The following PSMF1 variants were observed in gnomAD, a reference collection of about 807,000 sequenced individuals.
PSMF1 encodes the protein proteasome inhibitor subunit 1.
Under a neutral mutation model 29.3 loss-of-function variants are expected in PSMF1, and 30 were observed. The ratio of observed to expected loss-of-function variants is 1.02; its 90% CI spans 0.77 to 1.39. PSMF1 has a LOEUF of 1.39. Among genes scored for constraint, PSMF1 ranks in the 40% most tolerant of loss-of-function variants. The pLI, the probability that PSMF1 is intolerant of heterozygous loss-of-function variation, is 0.00. For synonymous variants in PSMF1, 134 were observed against 139.7 expected (o/e 0.96, Z 0.29); for missense variants, 344 against 357.5 (o/e 0.96, Z 0.31).
intron 3 of PSMF1, among the ~76,000 whole-genome samples, chr20:1,131,355 T>C (rs1405006057): frequency 6.6e-6 from 1 of 152,224 alleles, no homozygotes; most frequent in Non-Finnish European, 1.5e-5. Context: ...GGAGGGGATA[T>C]GTGTTGTGTT....
chr20:1,146,238 T>C (rs547233762), intron 4 of PSMF1, among the ~76,000 whole-genome samples: 1 of 152,312 alleles, frequency 6.6e-6, no homozygotes, highest in Non-Finnish European at 1.5e-5. Context: ...AAGGGAATTA[T>C]TTCTTAAACT....
intron 1 of PSMF1, among the ~76,000 whole-genome samples, chr20:1,121,458 T>C (rs1261476932): frequency 1.3e-5 from 2 of 152,172 alleles, no homozygotes; most frequent in South Asian, 4.1e-4. Context: ...TCGCTTCTGC[T>C]GAGTCTACTT....
intron 4 of PSMF1, among the ~76,000 whole-genome samples, chr20:1,143,159 A>G (rs2086405306): frequency 6.6e-6 from 1 of 152,234 alleles, no homozygotes; most frequent in South Asian, 2.1e-4. Context: ...TACAGCAGAT[A>G]ATATTTATAT....
Position 1,169,793 on chromosome 20 carries a change from G to A in PSMF1, c.*4713G>A, listed in dbSNP as rs1254135544. The stretch of plus-strand genomic sequence containing the variant: ...TGCGTCTGGTTGTTGGAACCTACAT[G>A]GCCTCTCAAATGGTACTGGCATGGA... On this transcript the variant is annotated 3_prime_UTR_variant, in exon 7 of 7. Transcript: ENST00000335877. Among the ~76,000 whole-genome samples the A allele has an allele frequency of 6.6e-6, 1 of 152,140 alleles. No homozygotes were observed. The highest frequency in any genetic ancestry group is 1.5e-5 in the Non-Finnish European group (1 of 68,034).
In PSMF1 at chr20:1,118,872, CG is replaced by C. The variant is rs776505658; in HGVS notation, c.101del (p.Gly34ValfsTer47). On this transcript the variant is annotated frameshift_variant, in exon 1 of 7. Coordinates refer to ENST00000335877, the MANE Select transcript of PSMF1 (RefSeq NM_006814.5). LOFTEE classifies it high-confidence loss of function. ...TCTTGCATTGGGAAGTGGTGACACA[CG>C]GTTACTTCGGCTTGGGTGTCGGTGA... is the stretch of plus-strand genomic sequence containing the variant. ...CFLHWEVVTH[G>X]YFGLGVGDQP... 2.5e-6 allele frequency: 4 copies of C among 1,614,008 alleles called. No homozygotes were observed. In the African/African-American group the frequency reaches 5.3e-5, roughly 22 times the overall value.
intron 4 of PSMF1, among the ~76,000 whole-genome samples, chr20:1,160,199 C>T (rs1352115721): frequency 6.6e-6 from 1 of 152,058 alleles, no homozygotes; most frequent in Non-Finnish European, 1.5e-5. Flanking sequence ...ACCACCACTA[C>T]CCTGCATACA....
chr20:1,162,789 T>A (rs80166530), intron 4 of PSMF1, among the ~76,000 whole-genome samples: 2,189 of 152,296 alleles, frequency 0.014, 45 homozygotes, highest in African/African-American at 0.047. Flanking sequence ...GGTTTAAGAA[T>A]AATATTTTTC....
At chr20:1,155,057 A>G (rs2086576217) in intron 4 of PSMF1, among the ~76,000 whole-genome samples, 1 of 152,250 alleles carries the variant, frequency 6.6e-6, no homozygotes, top group African/African-American at 2.4e-5. Context: ...AAAACTCCTC[A>G]TTGAGAAAGC....
In PSMF1 at chr20:1,165,770, A is replaced by T; in HGVS notation, c.*690A>T. The T allele has an allele frequency of 9.8e-7, 1 of 1,023,832 alleles. No individual in the cohort carries two copies. Among genetic ancestry groups the T allele is most frequent in the Non-Finnish European group, 1.2e-6 (1 of 852,444 alleles). The allele number at this position is 1,023,832 out of a possible 1,614,324, so 63.4% of individuals were successfully genotyped here. The stretch of plus-strand genomic sequence containing the variant: ...TCTGATGAGGCAAAATCCTCCAGCT[A>T]TTCCTGTCTGGGCCAGTTTTGTAGG... On this transcript the variant is annotated 3_prime_UTR_variant, in exon 7 of 7. Transcript: ENST00000335877.
intron 1 of PSMF1, among the ~76,000 whole-genome samples, chr20:1,119,565 A>G (rs1671483692): frequency 6.6e-6 from 1 of 152,132 alleles, no homozygotes; most frequent in South Asian, 2.1e-4. Flanking sequence ...TGAGGGTCAT[A>G]TAAGATTTTC....
chr20:1,128,531 C>A (rs189367572), intron 3 of PSMF1, among the ~76,000 whole-genome samples: 6 of 152,114 alleles, frequency 3.9e-5, no homozygotes, highest in African/African-American at 1.4e-4. Flanking sequence ...ATTTCCAGTT[C>A]TTTTTGTCTT....
chr20:1,162,552 G>GA (rs2051427012), intron 4 of PSMF1, among the ~76,000 whole-genome samples: 1 of 152,200 alleles, frequency 6.6e-6, no homozygotes. Flanking sequence ...CATGAAGGCA[G>GA]AAATCGGCTA....
chr20:1,147,598 T>A (rs2086470314), intron 4 of PSMF1, among the ~76,000 whole-genome samples: 1 of 152,160 alleles, frequency 6.6e-6, no homozygotes, highest in South Asian at 2.1e-4. Context: ...GAGAGATGGT[T>A]GGAAGAGGAG....
chr20:1,133,569 A>ATATATATATATATATATATATATTTTTT, intron 3 of PSMF1, among the ~76,000 whole-genome samples: 2 of 53,298 alleles, frequency 3.8e-5, no homozygotes, highest in Middle Eastern at 0.011. Flanking sequence ...ATATATATAT[A>ATATATATATATATATATATATATTTTTT]TTTTTTTTTT....
At position 1,169,832 on chromosome 20, in the gene PSMF1, G is replaced by A. The variant is rs932974666; in HGVS notation, c.*4752G>A. Reference sequence around the variant, plus strand: ...TACTGGCATGGAATATTGGGGAGATGTCTTTATTCCCTCTTCCCACCTTTC... The same window carrying A: ...TACTGGCATGGAATATTGGGGAGATATCTTTATTCCCTCTTCCCACCTTTC... On this transcript the variant is annotated 3_prime_UTR_variant, in exon 7 of 7. Transcript: ENST00000335877. Among the ~76,000 whole-genome samples, 1 of 152,208 alleles carries A rather than the reference G, an allele frequency of 6.6e-6. No individual in the cohort carries two copies. The highest frequency in any genetic ancestry group is 1.5e-5 in the Non-Finnish European group (1 of 68,042).
chr20:1,125,757 T>C (rs1161718137), intron 2 of PSMF1, 107 bp downstream of exon 2: 2 of 1,400,284 alleles, frequency 1.4e-6, no homozygotes, highest in African/African-American at 2.9e-5. Context: ...CATGTAGCCC[T>C]TACCTAGTGA....
chr20:1,153,413 C>CCACT (rs1568479528), intron 4 of PSMF1, among the ~76,000 whole-genome samples: 9 of 151,942 alleles, frequency 5.9e-5, no homozygotes, highest in African/African-American at 2.2e-4. Flanking sequence ...TGTCTGCCAC[C>CCACT]TCTTCAAAGC....
chr20:1,155,194 G>T (rs1033409187), intron 4 of PSMF1, among the ~76,000 whole-genome samples: 3 of 152,282 alleles, frequency 2.0e-5, no homozygotes, highest in South Asian at 4.1e-4. Flanking sequence ...TGGCGTGGAC[G>T]GAGAGTGTTC....
At chr20:1,151,626 C>G (rs1054888824) in intron 4 of PSMF1, among the ~76,000 whole-genome samples, 1 of 152,130 alleles carries the variant, frequency 6.6e-6, no homozygotes, top group African/African-American at 2.4e-5. Context: ...AGGTGTGGAC[C>G]CAGCCTTCAA....
Sources: allele counts gnomAD v4.1 joint callset (sites outside exome capture counted in the v4.1 genomes callset), GRCh38; gene constraint gnomAD v4.1.1; transcripts MANE v1.5; gene names NCBI Gene and HGNC (gene_info 2026-07-23, HGNC 2026-07-21).